Variants in FNDC3B observed in about 807,000 individuals in gnomAD.
The protein encoded by FNDC3B is fibronectin type III domain-containing protein 3B.
FNDC3B carries 12 observed loss-of-function variants against 151.5 expected under a neutral mutation model. That is an observed-to-expected ratio of 0.08 (90% confidence interval 0.05 to 0.13). The LOEUF (loss-of-function observed/expected upper bound fraction) is 0.13, where lower values mean the gene tolerates loss of function less well. Among genes scored for constraint, FNDC3B ranks in the 10% least tolerant of loss-of-function variants. The probability of loss-of-function intolerance (pLI) is 1.00; values close to 1 mark genes in which losing one functional copy is unlikely to be tolerated. For synonymous variants in FNDC3B, 528 were observed against 549.0 expected (o/e 0.96, Z 0.54); for missense variants, 1,214 against 1,505.3 (o/e 0.81, Z 3.20).
At chr3:172,072,547 C>T (rs375531520) in intron 1 of FNDC3B, among the ~76,000 whole-genome samples, 6 of 152,062 alleles carry the variant, frequency 3.9e-5, no homozygotes, top group African/African-American at 4.8e-5. Flanking sequence ...CACAGTCTAC[C>T]GCATCTGGAG....
chr3:172,278,917 A>C (rs1318370722), intron 6 of FNDC3B, among the ~76,000 whole-genome samples: 1 of 151,968 alleles, frequency 6.6e-6, no homozygotes, highest in Non-Finnish European at 1.5e-5. Flanking sequence ...ACAGAGTGAG[A>C]CTCTGTCTCA....
At chr3:172,064,848 G>C (rs769471365) in intron 1 of FNDC3B, among the ~76,000 whole-genome samples, 8 of 152,174 alleles carry the variant, frequency 5.3e-5, no homozygotes, top group Non-Finnish European at 1.2e-4. Context: ...CGCATAGTAG[G>C]CTCTCCATTT....
intron 3 of FNDC3B, among the ~76,000 whole-genome samples, chr3:172,148,872 A>G (rs1377206099): frequency 6.6e-6 from 1 of 152,186 alleles, no homozygotes; most frequent in South Asian, 2.1e-4. Context: ...CTCAGAAGCG[A>G]ATAGAATGCC....
intron 3 of FNDC3B, among the ~76,000 whole-genome samples, chr3:172,203,183 A>G (rs190811684): frequency 6.6e-6 from 1 of 152,316 alleles, no homozygotes; most frequent in East Asian, 1.9e-4. Context: ...CCTGGAGGAC[A>G]TTGTCTCTCT....
intron 7 of FNDC3B, among the ~76,000 whole-genome samples, chr3:172,291,196 C>A (rs575912172): frequency 6.6e-6 from 1 of 152,148 alleles, no homozygotes; most frequent in African/African-American, 2.4e-5. Flanking sequence ...CAGGACAATG[C>A]GGTTTTATAA....
intron 23 of FNDC3B, among the ~76,000 whole-genome samples, chr3:172,374,489 G>A (rs1445277101): frequency 6.6e-6 from 1 of 152,190 alleles, no homozygotes. Flanking sequence ...CTGCCTACCG[G>A]ATTCAAGCGA....
chr3:172,205,215 A>G (rs976703171), intron 3 of FNDC3B, among the ~76,000 whole-genome samples: 1 of 152,202 alleles, frequency 6.6e-6, no homozygotes, highest in African/African-American at 2.4e-5. Flanking sequence ...TTGTCTGGGT[A>G]TTCTTATCCA....
chr3:172,041,404 CTT>C (rs1716049398), intron 1 of FNDC3B, among the ~76,000 whole-genome samples: 2 of 133,792 alleles, frequency 1.5e-5, no homozygotes, highest in African/African-American at 5.7e-5. Flanking sequence ...TTTCTTTCTC[CTT>C]CTCTCTCCTT....
In FNDC3B at chr3:172,149,806, G is replaced by GTTTTTTTTTTTTGTTTTGTTTTTTTTTTT. The variant is rs1722115733; in HGVS notation, c.187+16272_187+16273insGTTTTGTTTTTTTTTTTTTTTTTTTTTTT. 5.7e-5 allele frequency among the ~76,000 whole-genome samples: 3 copies of GTTTTTTTTTTTTGTTTTGTTTTTTTTTTT among 52,460 alleles called. 1 individual carries two copies. The highest frequency in any genetic ancestry group is 0.037 in the Middle Eastern group (2 of 54). 34.4% of individuals were successfully genotyped at this position (52,460 alleles called of 152,430 possible). A position where few individuals can be genotyped will look rare whatever the true frequency, so the allele number is the denominator to read the frequency against. On this transcript the variant is annotated intron_variant, in intron 3 of 25. Coordinates refer to ENST00000415807, the MANE Select transcript of FNDC3B (RefSeq NM_022763.4). ...TGTGTATACCTTTTGTATGTTGGGT[G>GTTTTTTTTTTTTGTTTTGTTTTTTTTTTT]TTTTTTTTTTTTTTTTTTTTTTTTT...
rs10684671 is a variant in FNDC3B at position 172,177,626 on chromosome 3, C to CTTTTTTTT, written c.187+44094_187+44101dup. On this transcript the variant is annotated intron_variant, in intron 3 of 25. Coordinates refer to ENST00000415807, the MANE Select transcript of FNDC3B (RefSeq NM_022763.4). The stretch of plus-strand genomic sequence containing the variant: ...AGGAAGGAATCATTTTTACCACCAT[C>CTTTTTTTT]TTTTTTTTTTTTTTTTTTTTTGCAC... Among the ~76,000 whole-genome samples, 199 of 84,830 alleles carry CTTTTTTTT rather than the reference C, an allele frequency of 2.3e-3. 13 individuals are homozygous for CTTTTTTTT. The highest frequency in any genetic ancestry group is 9.3e-3 in the African/African-American group (190 of 20,518). 55.7% of individuals were successfully genotyped at this position (84,830 alleles called of 152,430 possible).
intron 6 of FNDC3B, among the ~76,000 whole-genome samples, chr3:172,256,160 C>A (rs1410348089): frequency 6.6e-6 from 1 of 152,208 alleles, no homozygotes; most frequent in African/African-American, 2.4e-5. Context: ...CCCCACCAGA[C>A]ATGCGGTGTT....
At chr3:172,223,211 T>A (rs777002886) in intron 3 of FNDC3B, among the ~76,000 whole-genome samples, 1 of 152,196 alleles carries the variant, frequency 6.6e-6, no homozygotes, top group Non-Finnish European at 1.5e-5. Context: ...AAATAAATGT[T>A]TAGGAAGACA....
rs57003017 is a variant in FNDC3B at position 172,397,800 on chromosome 3, ATT to A, written c.*337_*338del. On this transcript the variant is annotated 3_prime_UTR_variant, in exon 26 of 26. Transcript: ENST00000415807. Reference sequence around the variant, plus strand: ...CACTGATGTCTTTTGCAAGCCTTTGATTTTTTTTTTTTTGTTACAGTTTAGTA... The same window carrying A: ...CACTGATGTCTTTTGCAAGCCTTTGATTTTTTTTTTTGTTACAGTTTAGTA... 675 of 152,842 alleles carry A rather than the reference ATT, an allele frequency of 4.4e-3. No individual in the cohort carries two copies. The highest frequency in any genetic ancestry group is 6.2e-3 in the South Asian group (32 of 5,190). The allele number at this position is 152,842 out of a possible 1,614,324, so 9.5% of individuals were successfully genotyped here.
intron 1 of FNDC3B, among the ~76,000 whole-genome samples, chr3:172,107,842 G>A (rs931209864): frequency 2.0e-5 from 3 of 152,012 alleles, no homozygotes; most frequent in African/African-American, 4.8e-5. Flanking sequence ...GCAAATTTAG[G>A]AAAAGGCCCT....
At chr3:172,159,345 T>C (rs112598472) in intron 3 of FNDC3B, among the ~76,000 whole-genome samples, 1 of 152,202 alleles carries the variant, frequency 6.6e-6, no homozygotes, top group African/African-American at 2.4e-5. Context: ...CCTGGCTTGG[T>C]TGAACTGTGT....
At chr3:172,062,763 C>T (rs1008507948) in intron 1 of FNDC3B, among the ~76,000 whole-genome samples, 6 of 152,050 alleles carry the variant, frequency 3.9e-5, no homozygotes, top group Non-Finnish European at 7.3e-5. Flanking sequence ...TCCATCCATC[C>T]ACCCATCCAT....
At chr3:172,243,780 C>T (rs912665333) in intron 4 of FNDC3B, among the ~76,000 whole-genome samples, 2 of 152,174 alleles carry the variant, frequency 1.3e-5, no homozygotes, top group Admixed American at 1.3e-4. Context: ...GACCTCATTT[C>T]ACCTTAATTG....
chr3:172,191,868 G>A (rs773068142), intron 3 of FNDC3B, among the ~76,000 whole-genome samples: 1 of 152,156 alleles, frequency 6.6e-6, no homozygotes, highest in Admixed American at 6.5e-5. Context: ...TCAATTGACT[G>A]TAGCTGATTG....
At chr3:172,116,048 CATT>C (rs1720230778) in intron 2 of FNDC3B, among the ~76,000 whole-genome samples, 2 of 152,100 alleles carry the variant, frequency 1.3e-5, no homozygotes, top group Non-Finnish European at 2.9e-5. Flanking sequence ...TGTTAATTTT[CATT>C]ATTTGAAGTC....
Sources: gnomAD v4.1 joint callset for allele counts (sites outside exome capture counted in the v4.1 genomes callset) on GRCh38, gnomAD v4.1.1 for gene constraint, MANE v1.5 for transcripts, NCBI Gene and HGNC (gene_info 2026-07-23, HGNC 2026-07-21) for gene names.